LRP1B: variants seen among roughly 807,000 people sequenced by gnomAD.
LRP1B encodes the protein LDL receptor related protein 1B, also known as low-density lipoprotein receptor-related protein 1B.
A neutral mutation model predicts 556.6 loss-of-function variants in LRP1B; 217 were observed. The ratio of observed to expected loss-of-function variants is 0.39; its 90% CI spans 0.35 to 0.44. LRP1B has a LOEUF of 0.44. Among genes scored for constraint, LRP1B ranks in the 20% least tolerant of loss-of-function variants. The pLI is 1.00. For synonymous variants in LRP1B, 2,047 were observed against 1,865.8 expected (o/e 1.10, Z -2.50); for missense variants, 5,053 against 5,620.8 (o/e 0.90, Z 3.23).
chr2:140,281,767 A>G (rs1400282777), intron 84 of LRP1B, among the ~76,000 whole-genome samples: 1 of 151,838 alleles, frequency 6.6e-6, no homozygotes, highest in Non-Finnish European at 1.5e-5. Flanking sequence ...ATCCCCAGGC[A>G]TTCTGTAACT....
chr2:140,899,492 T>C (rs1694041692), intron 23 of LRP1B, among the ~76,000 whole-genome samples: 1 of 152,234 alleles, frequency 6.6e-6, no homozygotes, highest in African/African-American at 2.4e-5. Flanking sequence ...TCAGTTTCAA[T>C]GTGTGAGCTT....
At chr2:141,977,936 T>C (rs1701931610) in intron 1 of LRP1B, among the ~76,000 whole-genome samples, 1 of 152,168 alleles carries the variant, frequency 6.6e-6, no homozygotes, top group African/African-American at 2.4e-5. Context: ...TAAACTATAT[T>C]ATGTAAGAGA....
chr2:141,900,622 C>A (rs1382999134), intron 1 of LRP1B, among the ~76,000 whole-genome samples: 1 of 151,978 alleles, frequency 6.6e-6, no homozygotes, highest in East Asian at 1.9e-4. Context: ...CAGAAATGAT[C>A]ATTTCTATTC....
intron 2 of LRP1B, among the ~76,000 whole-genome samples, chr2:141,762,382 T>C (rs1186184848): frequency 2.0e-5 from 3 of 152,016 alleles, no homozygotes; most frequent in African/African-American, 4.8e-5. Flanking sequence ...AAAAGATGAA[T>C]TCATTTCTAG....
chr2:141,632,387 G>A (rs943052785), intron 2 of LRP1B, among the ~76,000 whole-genome samples: 1 of 152,228 alleles, frequency 6.6e-6, no homozygotes, highest in South Asian at 2.1e-4. Flanking sequence ...ATGCATAGAT[G>A]CTAGACAGAG....
intron 6 of LRP1B, among the ~76,000 whole-genome samples, chr2:141,189,585 T>G (rs2105196523): frequency 6.6e-6 from 1 of 152,116 alleles, no homozygotes; most frequent in Admixed American, 6.6e-5. Flanking sequence ...ATCCTCAAGC[T>G]TGGTCCCAAT....
intron 35 of LRP1B, among the ~76,000 whole-genome samples, chr2:140,762,631 A>G (rs2104918871): frequency 6.6e-6 from 1 of 152,222 alleles, no homozygotes; most frequent in South Asian, 2.1e-4. Flanking sequence ...TTTTCACCTT[A>G]AAGTTTGAAA....
chr2:141,497,531 T>A (rs898963255), intron 2 of LRP1B, among the ~76,000 whole-genome samples: 1 of 151,962 alleles, frequency 6.6e-6, no homozygotes, highest in Non-Finnish European at 1.5e-5. Context: ...CTACACCACA[T>A]TTGTGTGAAG....
chr2:140,276,417 A>G (rs188277717), intron 84 of LRP1B, among the ~76,000 whole-genome samples: 72 of 152,116 alleles, frequency 4.7e-4, no homozygotes, highest in Non-Finnish European at 9.0e-4. Context: ...TTCAAAAGGT[A>G]AGAGAGTTGG....
At chr2:140,772,035 G>C (rs77407140) in intron 33 of LRP1B, among the ~76,000 whole-genome samples, 7,650 of 152,118 alleles carry the variant, frequency 0.05, 265 homozygotes, top group Admixed American at 0.11. Flanking sequence ...TCTCAACTTG[G>C]GAGATTTCTC....
At chr2:140,694,750 T>A (rs1225014985) in intron 41 of LRP1B, among the ~76,000 whole-genome samples, 1 of 152,166 alleles carries the variant, frequency 6.6e-6, no homozygotes, top group Non-Finnish European at 1.5e-5. Flanking sequence ...GTTTTTTGTA[T>A]CTTACTGCCT....
At chr2:141,463,813 T>G (rs1304971957) in intron 3 of LRP1B, among the ~76,000 whole-genome samples, 1 of 145,476 alleles carries the variant, frequency 6.9e-6, no homozygotes, top group African/African-American at 2.5e-5. Flanking sequence ...TATATAAAAT[T>G]TATCCAAATT....
intron 2 of LRP1B, among the ~76,000 whole-genome samples, chr2:141,733,430 T>C (rs1322043267): frequency 6.6e-6 from 1 of 152,142 alleles, no homozygotes; most frequent in Non-Finnish European, 1.5e-5. Context: ...ATCTCTCACC[T>C]GACTATTATA....
At chr2:140,552,999 A>G (rs1348031334) in intron 43 of LRP1B, among the ~76,000 whole-genome samples, 1 of 152,120 alleles carries the variant, frequency 6.6e-6, no homozygotes, top group Admixed American at 6.6e-5. Context: ...ATGTAAAAAT[A>G]TTCAGTTTCA....
intron 7 of LRP1B, among the ~76,000 whole-genome samples, chr2:141,179,140 C>A (rs1190827764): frequency 7.2e-5 from 11 of 151,738 alleles, no homozygotes; most frequent in African/African-American, 2.7e-4. Context: ...ATTAAAAAAA[C>A]AGAAAATTTT....
intron 21 of LRP1B, among the ~76,000 whole-genome samples, chr2:140,920,484 G>A (rs1694706903): frequency 6.6e-6 from 1 of 151,916 alleles, no homozygotes; most frequent in Non-Finnish European, 1.5e-5. Context: ...ATGAACTTTG[G>A]ATTAAACATT....
chr2:141,241,278 C>G (rs866744157), intron 5 of LRP1B, among the ~76,000 whole-genome samples: 1 of 152,034 alleles, frequency 6.6e-6, no homozygotes, highest in African/African-American at 2.4e-5. Context: ...GCTACCGGTC[C>G]GGGATTCCAA....
chr2:141,581,817 G>A (rs958454454), intron 2 of LRP1B, among the ~76,000 whole-genome samples: 6 of 152,036 alleles, frequency 3.9e-5, no homozygotes, highest in Admixed American at 1.3e-4. Flanking sequence ...ATATATGTAG[G>A]GCAACTGGCT....
Position 140,769,307 on chromosome 2 carries a change from T to A in LRP1B, c.5664A>T (p.Gly1888=), listed in dbSNP as rs2104934828. Residue 1888 remains glycine (G), a synonymous_variant, in exon 35 of 91, where the codon GGA becomes GGT. Transcript: ENST00000389484. ...ESFLMYSVHE[G]IRGIPLEPSD... ...TTGGTTCAAGAGGTATTCCCCTGAT[T>A]CCTTCATGAACAGAGTACATAAGAA... 1 of 1,612,052 alleles carries A rather than the reference T, an allele frequency of 6.2e-7. No individual in the cohort carries two copies. The highest frequency in any genetic ancestry group is 8.5e-7 in the Non-Finnish European group (1 of 1,178,594).
Sources: allele counts gnomAD v4.1 joint callset (sites outside exome capture counted in the v4.1 genomes callset), GRCh38; gene constraint gnomAD v4.1.1; transcripts MANE v1.5; gene names NCBI Gene and HGNC (gene_info 2026-07-23, HGNC 2026-07-21).